Variants in DLG2 observed in about 807,000 individuals in gnomAD.
DLG2 encodes disks large homolog 2.
Under a neutral mutation model 132.5 loss-of-function variants are expected in DLG2, and 45 were observed. That is an observed-to-expected ratio of 0.34 (90% CI 0.27 to 0.44). DLG2 has a LOEUF of 0.44. Ranked by LOEUF, DLG2 falls within the 20% of genes least tolerant of loss-of-function variation. The pLI, the probability that DLG2 is intolerant of heterozygous loss-of-function variation, is 1.00. For synonymous variants in DLG2, 424 were observed against 419.6 expected (o/e 1.01, Z -0.13); for missense variants, 1,045 against 1,196.9 (o/e 0.87, Z 1.87).
At chr11:84,330,702 T>C (rs1015677640) in intron 7 of DLG2, among the ~76,000 whole-genome samples, 4 of 152,166 alleles carry the variant, frequency 2.6e-5, no homozygotes, top group Admixed American at 6.5e-5. Context: ...CATGAAACAA[T>C]GTGTCTAAGG....
intron 3 of DLG2, among the ~76,000 whole-genome samples, chr11:85,491,938 A>T (rs946281430): frequency 1.3e-5 from 2 of 149,296 alleles, no homozygotes; most frequent in Non-Finnish European, 2.9e-5. Context: ...TAGCCAAACC[A>T]ATATTAAGCA....
intron 19 of DLG2, among the ~76,000 whole-genome samples, chr11:83,574,127 C>T (rs778169531): frequency 3.7e-4 from 56 of 152,144 alleles, no homozygotes; most frequent in Non-Finnish European, 6.2e-4. Flanking sequence ...GAGAAGCCCT[C>T]CCCTCACCAC....
At chr11:85,508,301 G>A (rs1004889348) in intron 3 of DLG2, among the ~76,000 whole-genome samples, 10 of 151,926 alleles carry the variant, frequency 6.6e-5, no homozygotes, top group Non-Finnish European at 1.3e-4. Context: ...TGCAGCCACA[G>A]TGACATGCTT....
At chr11:84,375,771 T>A (rs1216245090) in intron 7 of DLG2, among the ~76,000 whole-genome samples, 1 of 152,104 alleles carries the variant, frequency 6.6e-6, no homozygotes, top group African/African-American at 2.4e-5. Context: ...CTCTGCTTTG[T>A]CATTTATACA....
In DLG2 at chr11:84,644,495, A is replaced by G. The variant is rs1380898039; in HGVS notation, c.358-109764T>C. Among the ~76,000 whole-genome samples the G allele has an allele frequency of 5.9e-5, 9 of 151,960 alleles. No homozygotes were observed. In the East Asian group the frequency reaches 1.7e-3, roughly 29 times the overall value. On this transcript the variant is annotated intron_variant, in intron 6 of 27. Transcript: ENST00000376104. ...ACAGAGGCGGGCGAGTCACTAGGTC[A>G]GGAGATCGAGACCATCCTGGCTAAC...
chr11:85,139,261 G>C (rs2076310848), intron 5 of DLG2, among the ~76,000 whole-genome samples: 1 of 152,056 alleles, frequency 6.6e-6, no homozygotes, highest in Admixed American at 6.6e-5. Flanking sequence ...AATCTCACCA[G>C]TGTTTAGAAC....
At chr11:84,350,935 T>C (rs965181870) in intron 7 of DLG2, among the ~76,000 whole-genome samples, 1 of 152,124 alleles carries the variant, frequency 6.6e-6, no homozygotes, top group East Asian at 1.9e-4. Context: ...CCTATTCCTA[T>C]CCCTCCCCTT....
At chr11:85,623,310 AT>A (rs202111117) in intron 2 of DLG2, among the ~76,000 whole-genome samples, 6,681 of 146,880 alleles carry the variant, frequency 0.045, 179 homozygotes, top group East Asian at 0.1. Context: ...CAATAGGACA[AT>A]TTTTTTTTTT....
At chr11:85,463,386 G>T (rs1282941385) in intron 3 of DLG2, among the ~76,000 whole-genome samples, 3 of 152,138 alleles carry the variant, frequency 2.0e-5, no homozygotes, top group Non-Finnish European at 4.4e-5. Context: ...TATGAAAACA[G>T]AAAGCATCAA....
At chr11:84,285,205 T>G (rs1413880146) in intron 7 of DLG2, among the ~76,000 whole-genome samples, 2 of 152,198 alleles carry the variant, frequency 1.3e-5, no homozygotes, top group East Asian at 3.9e-4. Context: ...AGCTGAGCTT[T>G]CATCCTCCTT....
chr11:83,640,422 A>G (rs2066170484), intron 18 of DLG2, among the ~76,000 whole-genome samples: 1 of 152,198 alleles, frequency 6.6e-6, no homozygotes, highest in South Asian at 2.1e-4. Flanking sequence ...GTACATGGTA[A>G]GGATGAAGCA....
At chr11:83,786,604 C>A in intron 18 of DLG2, 86 bp downstream of exon 18, 1 of 1,202,214 alleles carries the variant, frequency 8.3e-7, no homozygotes, top group Non-Finnish European at 1.2e-6. Flanking sequence ...ATGATGGTGA[C>A]TCTAGTTAAT....
chr11:84,857,209 G>T (rs1489063659), intron 6 of DLG2, among the ~76,000 whole-genome samples: 1 of 151,966 alleles, frequency 6.6e-6, no homozygotes, highest in Non-Finnish European at 1.5e-5. Flanking sequence ...GTATCTAGAA[G>T]GAGAAGCAAA....
chr11:85,535,937 C>A (rs180983631), intron 3 of DLG2, among the ~76,000 whole-genome samples: 5 of 149,012 alleles, frequency 3.4e-5, no homozygotes, highest in Admixed American at 6.6e-5. Flanking sequence ...TAAAATAGTC[C>A]AAGTGTGGTG....
intron 21 of DLG2, among the ~76,000 whole-genome samples, chr11:83,502,763 C>G (rs902454744): frequency 6.6e-6 from 1 of 152,042 alleles, no homozygotes; most frequent in East Asian, 1.9e-4. Flanking sequence ...GCTGATTTAC[C>G]CTTACCTGTG....
chr11:84,983,115 T>C (rs541258242), intron 6 of DLG2, among the ~76,000 whole-genome samples: 26 of 152,260 alleles, frequency 1.7e-4, no homozygotes, highest in African/African-American at 5.5e-4. Flanking sequence ...AGAATACAGA[T>C]CACGGATGGA....
At chr11:85,260,720 C>A (rs567309470) in intron 4 of DLG2, among the ~76,000 whole-genome samples, 142 of 152,346 alleles carry the variant, frequency 9.3e-4, no homozygotes, top group Non-Finnish European at 1.7e-3. Context: ...TCTGGTCACT[C>A]GCTTTTGAAT....
At chr11:84,276,836 A>G (rs2097787653) in intron 7 of DLG2, among the ~76,000 whole-genome samples, 1 of 152,202 alleles carries the variant, frequency 6.6e-6, no homozygotes, top group Non-Finnish European at 1.5e-5. Flanking sequence ...TCCAGTAAAA[A>G]TAGAGTAACA....
chr11:84,600,196 G>GAAAGAAAGA (rs1565419663), intron 6 of DLG2, among the ~76,000 whole-genome samples: 2 of 135,948 alleles, frequency 1.5e-5, no homozygotes, highest in Admixed American at 1.4e-4. Flanking sequence ...AAGAAAGAAA[G>GAAAGAAAGA]AAAGAAAGAA....
Sources: gnomAD v4.1 joint callset for allele counts (sites outside exome capture counted in the v4.1 genomes callset) on GRCh38, gnomAD v4.1.1 for gene constraint, MANE v1.5 for transcripts, NCBI Gene and HGNC (gene_info 2026-07-23, HGNC 2026-07-21) for gene names.